Variants in ACTR3 observed in about 807,000 individuals in gnomAD.
ACTR3 encodes the protein actin related protein 3.
A neutral mutation model predicts 56.8 loss-of-function variants in ACTR3; 12 were observed. That is an observed-to-expected ratio of 0.21 (90% CI 0.14 to 0.34). The LOEUF (loss-of-function observed/expected upper bound fraction) is 0.34, where lower values mean the gene tolerates loss of function less well. ACTR3 is among the 10% of genes least tolerant of loss of function. The pLI is 1.00. For synonymous variants in ACTR3, 162 were observed against 167.4 expected, an observed-to-expected ratio of 0.97 and a Z score of 0.25; for missense variants, 282 against 512.5, an observed-to-expected ratio of 0.55 and a Z score of 4.34.
At chr2:113,954,661 T>G (rs1281828044) in intron 10 of ACTR3, 2 of 152,058 alleles carry the variant, frequency 1.3e-5, no homozygotes, top group African/African-American at 4.8e-5. Context: ...GCCACATCTT[T>G]TTTTTTGCCT....
At chr2:113,913,525 G>A (rs1388733841) in intron 2 of ACTR3, among the ~76,000 whole-genome samples, 1 of 152,090 alleles carries the variant, frequency 6.6e-6, no homozygotes, top group African/African-American at 2.4e-5. Context: ...ACAGTATGGG[G>A]GTATAACTAA....
At chr2:113,917,500 C>CT (rs1206675444) in intron 3 of ACTR3, among the ~76,000 whole-genome samples, 2 of 152,018 alleles carry the variant, frequency 1.3e-5, no homozygotes, top group Admixed American at 1.3e-4. Context: ...ATTTTTATGA[C>CT]TGTAATCATA....
At chr2:113,893,827 A>G (rs113621311) in intron 1 of ACTR3, among the ~76,000 whole-genome samples, 2,235 of 152,262 alleles carry the variant, frequency 0.015, 42 homozygotes, top group African/African-American at 0.05. Context: ...AGTCTTGGAT[A>G]TATTCATATC....
Position 113,891,628 on chromosome 2 carries a change from TATTA to T in ACTR3, c.44+1310_44+1313del, listed in dbSNP as rs1678901912. Among the ~76,000 whole-genome samples, 6 of 151,706 alleles carry T rather than the reference TATTA, an allele frequency of 4.0e-5. No individual in the cohort carries two copies. In the South Asian group the frequency reaches 1.2e-3, roughly 31 times the overall value. ...TGGACTGTCAGGCTTTTTTTTTTAT[TATTA>T]ATTATAATTATTGATTTCATTATTG... On this transcript the variant is annotated intron_variant, in intron 1 of 11. Transcript: ENST00000263238.
intron 10 of ACTR3, chr2:113,953,129 T>C (rs531760762): frequency 5.3e-5 from 8 of 152,294 alleles, no homozygotes; most frequent in African/African-American, 1.7e-4. Context: ...ATTACAGATA[T>C]ATAAGTACAA....
chr2:113,890,786 T>C (rs763139631), intron 1 of ACTR3: 26 of 1,006,554 alleles, frequency 2.6e-5, no homozygotes, highest in Non-Finnish European at 3.0e-5. Flanking sequence ...CTGGTAGGTT[T>C]GACAAGATCG....
At position 113,958,602 on chromosome 2, in the gene ACTR3, T is replaced by G. The variant is rs578260085; in HGVS notation, c.*1147T>G. On this transcript the variant is annotated 3_prime_UTR_variant, in exon 12 of 12. Coordinates refer to ENST00000263238, the MANE Select transcript of ACTR3 (RefSeq NM_005721.5). ...TAAAACTGAATTACCTTTTCTAATG[T>G]TTTTTTTTTTTAAGTAATGTAATTC... 1.4e-5 allele frequency: 1 copy of G among 73,986 alleles called. No homozygotes were observed. The highest frequency in any genetic ancestry group is 5.8e-4 in the East Asian group (1 of 1,728). 4.6% of individuals were successfully genotyped at this position (73,986 alleles called of 1,614,324 possible). A position where few individuals can be genotyped will look rare whatever the true frequency, so the allele number is the denominator to read the frequency against.
Position 113,957,604 on chromosome 2 carries a change from T to C in ACTR3, c.*149T>C, listed in dbSNP as rs1680240012. The C allele has an allele frequency of 1.8e-6, 1 of 568,776 alleles. No homozygotes were observed. Among genetic ancestry groups the C allele is most frequent in the Non-Finnish European group, 3.2e-6 (1 of 315,632 alleles). 35.2% of individuals were successfully genotyped at this position (568,776 alleles called of 1,614,324 possible). A position where few individuals can be genotyped will look rare whatever the true frequency, so the allele number is the denominator to read the frequency against. ...GATTATACAGGAATATTTTAATAAG[T>C]GTATCACCATGCAGATGTAGAAGAG... On this transcript the variant is annotated 3_prime_UTR_variant, in exon 12 of 12. Transcript: ENST00000263238.
intron 1 of ACTR3, among the ~76,000 whole-genome samples, chr2:113,912,700 A>C (rs1312225460): frequency 6.6e-6 from 1 of 152,186 alleles, no homozygotes; most frequent in Admixed American, 6.5e-5. Flanking sequence ...TTTTATACAG[A>C]TATACCATAC....
intron 4 of ACTR3, among the ~76,000 whole-genome samples, chr2:113,930,742 T>C (rs1448991335): frequency 6.6e-6 from 1 of 152,248 alleles, no homozygotes. Flanking sequence ...TACAGTCACA[T>C]AAACAGAAGA....
chr2:113,931,458 C>T lies in ACTR3; in HGVS notation c.432+62C>T, dbSNP rs1464761000. On this transcript the variant is annotated intron_variant, in intron 5 of 11. Transcript: ENST00000263238. ...ATTTTAACCTAGTTTAATTTGCTGCCTAAAATACGTACTTTTTTTTTTTTT... is the reference window on the plus strand; with the variant it reads ...ATTTTAACCTAGTTTAATTTGCTGCTTAAAATACGTACTTTTTTTTTTTTT... 26 of 1,128,996 alleles carry T rather than the reference C, an allele frequency of 2.3e-5. No individual in the cohort carries two copies. The Admixed American group carries it at 6.9e-4, about 30-fold the overall frequency. 69.9% of individuals were successfully genotyped at this position (1,128,996 alleles called of 1,614,324 possible). A position where few individuals can be genotyped will look rare whatever the true frequency, so the allele number is the denominator to read the frequency against.
At chr2:113,918,371 T>A (rs1012878819) in intron 3 of ACTR3, among the ~76,000 whole-genome samples, 1 of 151,122 alleles carries the variant, frequency 6.6e-6, no homozygotes, top group Non-Finnish European at 1.5e-5. Flanking sequence ...ACTTGAAGAT[T>A]TTTTTCTTTT....
At position 113,958,854 on chromosome 2, in the gene ACTR3, C is replaced by G. The variant is rs1342989607; in HGVS notation, c.*1399C>G. On this transcript the variant is annotated 3_prime_UTR_variant, in exon 12 of 12. Transcript: ENST00000263238. The stretch of plus-strand genomic sequence containing the variant: ...ACGTTAGGATTGGAATACGTCTATT[C>G]AAAAGTGAAAGAATATAAAGTGTTT... 1 of 151,842 alleles carries G rather than the reference C, an allele frequency of 6.6e-6. No individual in the cohort carries two copies. The highest frequency in any genetic ancestry group is 2.4e-5 in the African/African-American group (1 of 41,396). The allele number at this position is 151,842 out of a possible 1,614,324, so 9.4% of individuals were successfully genotyped here.
In ACTR3 at chr2:113,960,817, T is replaced by C. The variant is rs1401055083; in HGVS notation, c.*3362T>C. 6.6e-6 allele frequency: 1 copy of C among 152,014 alleles called. No homozygotes were observed. The highest frequency in any genetic ancestry group is 1.5e-5 in the Non-Finnish European group (1 of 67,914). 9.4% of individuals were successfully genotyped at this position (152,014 alleles called of 1,614,324 possible). On this transcript the variant is annotated 3_prime_UTR_variant, in exon 12 of 12. Coordinates refer to ENST00000263238, the MANE Select transcript of ACTR3 (RefSeq NM_005721.5). ...CTCGGGTTAATTGGTACTAATTCTA[T>C]TAGCTGGTATAAATAATCCAAAATC...
intron 8 of ACTR3, chr2:113,951,264 CAT>C: frequency 2.4e-6 from 1 of 420,832 alleles, no homozygotes; most frequent in Non-Finnish European, 4.4e-6. Flanking sequence ...TATGACTTTA[CAT>C]GTTTGCTATT....
intron 1 of ACTR3, among the ~76,000 whole-genome samples, chr2:113,892,961 C>G (rs577153918): frequency 8.5e-5 from 13 of 152,124 alleles, no homozygotes; most frequent in Non-Finnish European, 1.6e-4. Flanking sequence ...CACCTAGATT[C>G]AGGTCATAAA....
intron 8 of ACTR3, among the ~76,000 whole-genome samples, chr2:113,949,402 AAAAG>A (rs1388604835): frequency 1.5e-4 from 23 of 150,994 alleles, no homozygotes; most frequent in African/African-American, 4.4e-4. Context: ...AAGAAAAAAA[AAAAG>A]AAAAAATTGA....
At position 113,958,866 on chromosome 2, in the gene ACTR3, A is replaced by T. The variant is rs1680271733; in HGVS notation, c.*1411A>T. On this transcript the variant is annotated 3_prime_UTR_variant, in exon 12 of 12. Coordinates refer to ENST00000263238, the MANE Select transcript of ACTR3 (RefSeq NM_005721.5). ...GAATACGTCTATTCAAAAGTGAAAG[A>T]ATATAAAGTGTTTAGTTTTTTGTTT... 6.6e-6 allele frequency: 1 copy of T among 152,028 alleles called. No individual in the cohort carries two copies. The highest frequency in any genetic ancestry group is 2.1e-4 in the South Asian group (1 of 4,830). The allele number at this position is 152,028 out of a possible 1,614,324, so 9.4% of individuals were successfully genotyped here. A position where few individuals can be genotyped will look rare whatever the true frequency, so the allele number is the denominator to read the frequency against.
chr2:113,919,919 ATTTTAT>A (rs781637326), intron 3 of ACTR3, among the ~76,000 whole-genome samples: 5 of 151,554 alleles, frequency 3.3e-5, no homozygotes, highest in African/African-American at 4.8e-5. Context: ...TCGCTAATTT[ATTTTAT>A]TTTTATTTTT....
Sources: allele counts gnomAD v4.1 joint callset (sites outside exome capture counted in the v4.1 genomes callset), GRCh38; gene constraint gnomAD v4.1.1; transcripts MANE v1.5; gene names NCBI Gene and HGNC (gene_info 2026-07-23, HGNC 2026-07-21).